Variants in TLCD4 observed in about 807,000 individuals in gnomAD.
The protein encoded by TLCD4 is TLC domain containing 4.
Under a neutral mutation model 24.2 loss-of-function variants are expected in TLCD4, and 7 were observed. That is an observed-to-expected ratio of 0.29 (90% CI 0.16 to 0.54). The LOEUF (loss-of-function observed/expected upper bound fraction) is 0.54. Ranked by LOEUF, TLCD4 falls within the 20% of genes least tolerant of loss-of-function variation. TLCD4 has a pLI of 0.95. For synonymous variants in TLCD4, 103 were observed against 106.4 expected, an observed-to-expected ratio of 0.97 and a Z score of 0.20; for missense variants, 259 against 313.9, an observed-to-expected ratio of 0.82 and a Z score of 1.32.
intron 5 of TLCD4, among the ~76,000 whole-genome samples, chr1:95,154,943 C>T (rs560067127): frequency 1.3e-5 from 2 of 150,784 alleles, no homozygotes; most frequent in East Asian, 2.0e-4. Flanking sequence ...AACACGGTCA[C>T]GTTTTTACAC....
chr1:95,119,963 T>C (rs1571718520), intron 1 of TLCD4, among the ~76,000 whole-genome samples: 1 of 152,294 alleles, frequency 6.6e-6, no homozygotes, highest in East Asian at 1.9e-4. Context: ...TTAAGGAAGA[T>C]AATGAATTAA....
At chr1:95,103,806 A>G in the TLCD4 span, among the ~76,000 whole-genome samples, 1 of 152,320 alleles carries the variant, frequency 6.6e-6, no homozygotes, top group Admixed American at 6.5e-5. Context: ...ATTGTTTTCA[A>G]AGTTTCCCAT....
Position 95,192,465 on chromosome 1 carries a change from T to C in TLCD4, c.*597T>C, listed in dbSNP as rs1019767826. On this transcript the variant is annotated 3_prime_UTR_variant, in exon 7 of 7. Coordinates refer to ENST00000370203, the MANE Select transcript of TLCD4 (RefSeq NM_152487.3). Reference sequence around the variant, plus strand: ...CTTTTGAGAAATCTCTTAACTGCATTGGTATTTTTTCTCTGTGAAAGATGA... The same window carrying C: ...CTTTTGAGAAATCTCTTAACTGCATCGGTATTTTTTCTCTGTGAAAGATGA... The C allele has an allele frequency of 7.2e-5, 11 of 152,224 alleles. No individual in the cohort carries two copies. Among genetic ancestry groups the C allele is most frequent in the African/African-American group, 2.4e-4 (10 of 41,450 alleles). 9.4% of individuals were successfully genotyped at this position (152,224 alleles called of 1,614,324 possible).
At chr1:95,097,750 A>C in the TLCD4 span, among the ~76,000 whole-genome samples, 1 of 144,904 alleles carries the variant, frequency 6.9e-6, no homozygotes, top group Non-Finnish European at 1.5e-5. Flanking sequence ...TATATGTTCC[A>C]CTTAATAGAG....
At chr1:95,154,518 G>C (rs531194966) in intron 5 of TLCD4, among the ~76,000 whole-genome samples, 1 of 152,082 alleles carries the variant, frequency 6.6e-6, no homozygotes, top group Non-Finnish European at 1.5e-5. Context: ...CACACAGCAA[G>C]GAAATAAATA....
At chr1:95,153,969 A>G (rs1248696127) in intron 5 of TLCD4, among the ~76,000 whole-genome samples, 2 of 152,140 alleles carry the variant, frequency 1.3e-5, no homozygotes, top group Admixed American at 1.3e-4. Flanking sequence ...GAAGAAAGAC[A>G]TCCTCAGTGA....
chr1:95,160,148 C>G (rs1184253440), intron 5 of TLCD4, among the ~76,000 whole-genome samples: 1 of 152,106 alleles, frequency 6.6e-6, no homozygotes, highest in African/African-American at 2.4e-5. Flanking sequence ...GCATGGAATG[C>G]TCTTCCATTT....
rs1308657314 is a variant in TLCD4, at chr1:95,196,175, T to C, written c.*4307T>C. 2 of 152,228 alleles carry C rather than the reference T, an allele frequency of 1.3e-5. No individual in the cohort carries two copies. The highest frequency in any genetic ancestry group is 4.8e-5 in the African/African-American group (2 of 41,466). The allele number at this position is 152,228 out of a possible 1,614,324, so 9.4% of individuals were successfully genotyped here. ...TATTAAGAGATCTGTCATCTCTGTTTTTCTTAAACTGGTTTAACAGTCAGA... is the reference window on the plus strand; with the variant it reads ...TATTAAGAGATCTGTCATCTCTGTTCTTCTTAAACTGGTTTAACAGTCAGA... On this transcript the variant is annotated 3_prime_UTR_variant, in exon 7 of 7. Transcript: ENST00000370203.
the TLCD4 span, among the ~76,000 whole-genome samples, chr1:95,103,695 T>C: frequency 2.0e-5 from 3 of 152,238 alleles, no homozygotes; most frequent in Non-Finnish European, 2.9e-5. Flanking sequence ...TACAAATCAA[T>C]TTGACAAGTG....
intron 6 of TLCD4, 44 bp from the exon 7 acceptor site, chr1:95,191,506 A>G: frequency 6.4e-7 from 1 of 1,553,692 alleles, no homozygotes; most frequent in East Asian, 2.3e-5. Flanking sequence ...GTTAATCCTC[A>G]GAGATGCACT....
At chr1:95,186,887 A>G (rs1225031579) in intron 6 of TLCD4, among the ~76,000 whole-genome samples, 1 of 152,154 alleles carries the variant, frequency 6.6e-6, no homozygotes, top group Non-Finnish European at 1.5e-5. Flanking sequence ...TGATATTTTA[A>G]TCACTCAATA....
intron 1 of TLCD4, among the ~76,000 whole-genome samples, chr1:95,140,960 A>T (rs1677183784): frequency 6.6e-6 from 1 of 152,224 alleles, no homozygotes; most frequent in South Asian, 2.1e-4. Context: ...TCTCTAGATT[A>T]GTTCTTGATT....
chr1:95,118,590 C>A (rs1676492941), intron 1 of TLCD4, among the ~76,000 whole-genome samples: 1 of 152,124 alleles, frequency 6.6e-6, no homozygotes, highest in Non-Finnish European at 1.5e-5. Context: ...TTAATAAAAT[C>A]TTTACGCAGT....
chr1:95,142,926 C>G (rs1455176120), intron 1 of TLCD4, among the ~76,000 whole-genome samples: 1 of 145,254 alleles, frequency 6.9e-6, no homozygotes, highest in East Asian at 2.2e-4. Context: ...TGCACTCTAG[C>G]CTGGGGGACA....
chr1:95,098,929 C>A, the TLCD4 span, among the ~76,000 whole-genome samples: 1 of 151,450 alleles, frequency 6.6e-6, no homozygotes, highest in Admixed American at 6.6e-5. Context: ...GGTGTGGTGG[C>A]GCATGCCTGT....
At position 95,121,489 on chromosome 1, in the gene TLCD4, G is replaced by T. The variant is rs141452349; in HGVS notation, c.-12+3872G>T. On this transcript the variant is annotated intron_variant, in intron 1 of 6. Transcript: ENST00000370203. ...TGAAAAGTATTCTTTTTTTCTTTTT[G>T]AGACAGGGTCTCGCTTTGTCACCCA... Among the ~76,000 whole-genome samples the T allele has an allele frequency of 6.2e-3, 950 of 152,008 alleles. 6 individuals carry two copies. The highest frequency in any genetic ancestry group is 0.021 in the African/African-American group (871 of 41,510).
intron 1 of TLCD4, among the ~76,000 whole-genome samples, chr1:95,126,770 A>G (rs941292154): frequency 1.3e-5 from 2 of 152,166 alleles, no homozygotes; most frequent in African/African-American, 4.8e-5. Context: ...GGCTCCTGAC[A>G]TGATGGTCTC....
the TLCD4 span, among the ~76,000 whole-genome samples, chr1:95,103,581 T>C: frequency 1.3e-5 from 2 of 152,236 alleles, no homozygotes; most frequent in African/African-American, 4.8e-5. Flanking sequence ...GGCTTTACTG[T>C]TGTAATGGTA....
At chr1:95,137,925 C>G (rs760821842) in intron 1 of TLCD4, among the ~76,000 whole-genome samples, 1 of 151,860 alleles carries the variant, frequency 6.6e-6, no homozygotes, top group Non-Finnish European at 1.5e-5. Flanking sequence ...TTTGTAGAGA[C>G]GGGGTCTTGT....
Sources: allele counts gnomAD v4.1 joint callset (sites outside exome capture counted in the v4.1 genomes callset), GRCh38; gene constraint gnomAD v4.1.1; transcripts MANE v1.5; gene names NCBI Gene and HGNC (gene_info 2026-07-23, HGNC 2026-07-21).